Variants in PHLPP1 observed in about 807,000 individuals in gnomAD.
PHLPP1 encodes PH domain and leucine rich repeat protein phosphatase 1.
A neutral mutation model predicts 117.2 loss-of-function variants in PHLPP1; 42 were observed. The observed-to-expected ratio is 0.36, with a 90% CI of 0.28 to 0.46. The LOEUF is 0.46. PHLPP1 is among the 20% of genes least tolerant of loss of function. The pLI is 1.00. For synonymous variants in PHLPP1, 1,042 were observed against 970.7 expected, an observed-to-expected ratio of 1.07 and a Z score of -1.37; for missense variants, 2,084 against 2,241.9, an observed-to-expected ratio of 0.93 and a Z score of 1.42.
At chr18:62,824,932 C>CT (rs200225377) in intron 1 of PHLPP1, among the ~76,000 whole-genome samples, 19,202 of 140,308 alleles carry the variant, frequency 0.14, 1,711 homozygotes, top group East Asian at 0.3. Context: ...AATATATATA[C>CT]TTTTTTTTTT....
chr18:62,716,106 G>T lies in PHLPP1; in HGVS notation c.423G>T (p.Ser141=). Residue 141 remains serine (S), a synonymous_variant, in exon 1 of 17, where the codon TCG becomes TCT. Coordinates refer to ENST00000262719, the MANE Select transcript of PHLPP1 (RefSeq NM_194449.4). The surrounding 1 kb of genome is among the most constrained non-coding windows in gnomAD (Gnocchi z 5.7). ...SAAAAAASSS[S]SSSAAAASHS... ...CCGCCGCGGCCGCCTCCTCGTCGTC[G>T]TCGTCCTCGGCCGCTGCTGCCTCGC... The T allele has an allele frequency of 6.6e-7, 1 of 1,505,408 alleles. No homozygotes were observed. Among genetic ancestry groups the T allele is most frequent in the Admixed American group, 2.1e-5 (1 of 47,244 alleles). 93.3% of individuals were successfully genotyped at this position (1,505,408 alleles called of 1,614,324 possible). A position where few individuals can be genotyped will look rare whatever the true frequency, so the allele number is the denominator to read the frequency against.
intron 4 of PHLPP1, among the ~76,000 whole-genome samples, chr18:62,888,288 TGTGTG>T (rs1246196511): frequency 4.3e-4 from 2 of 4,670 alleles, no homozygotes; most frequent in Non-Finnish European, 6.8e-4. Context: ...TTTCACAAAA[TGTGTG>T]TGTGTGTGTG....
chr18:62,780,866 T>C (rs998790392), intron 1 of PHLPP1, among the ~76,000 whole-genome samples: 28 of 152,234 alleles, frequency 1.8e-4, no homozygotes, highest in African/African-American at 6.0e-4. Context: ...CCTCATGCTA[T>C]ATGATACCTC....
intron 1 of PHLPP1, among the ~76,000 whole-genome samples, chr18:62,806,382 T>C (rs1176710253): frequency 3.9e-5 from 6 of 152,232 alleles, no homozygotes; most frequent in Admixed American, 6.5e-5. Flanking sequence ...TTCTAGTGAT[T>C]TATGCTTGTT....
rs564466334 is a variant in PHLPP1 at position 62,732,092 on chromosome 18, G to A, written c.1576+14833G>A. ...TGCAGCAAGTTATCTGGAAGATCTC[G>A]CTAAGATCATTGATGAAGGCAGCTA... On this transcript the variant is annotated intron_variant, in intron 1 of 16. Coordinates refer to ENST00000262719, the MANE Select transcript of PHLPP1 (RefSeq NM_194449.4). 9.2e-5 allele frequency among the ~76,000 whole-genome samples: 14 copies of A among 152,316 alleles called. No homozygotes were observed. The South Asian group carries it at 2.9e-3, about 32-fold the overall frequency.
At chr18:62,838,575 T>TA (rs1301494116) in intron 2 of PHLPP1, 1 of 472,710 alleles carries the variant, frequency 2.1e-6, no homozygotes, top group South Asian at 4.0e-5. Flanking sequence ...GGTGGGGAAA[T>TA]ATAGTAAAGA....
At chr18:62,956,454 C>T (rs913806174) in intron 12 of PHLPP1, among the ~76,000 whole-genome samples, 1 of 152,154 alleles carries the variant, frequency 6.6e-6, no homozygotes, top group South Asian at 2.1e-4. Context: ...TAAGTTTCAG[C>T]ATATGATGAA....
intron 4 of PHLPP1, among the ~76,000 whole-genome samples, chr18:62,861,510 C>G (rs1359919721): frequency 6.6e-6 from 1 of 152,210 alleles, no homozygotes; most frequent in African/African-American, 2.4e-5. Flanking sequence ...GAGCAGTGAT[C>G]AGTCTTCATT....
intron 1 of PHLPP1, among the ~76,000 whole-genome samples, chr18:62,728,884 G>GT (rs893198235): frequency 2.0e-4 from 30 of 148,388 alleles, no homozygotes; most frequent in South Asian, 6.4e-4. Flanking sequence ...GGTGCCTTGA[G>GT]TTTTTTTTTT....
chr18:62,793,457 T>C (rs916030673), intron 1 of PHLPP1, among the ~76,000 whole-genome samples: 5 of 152,230 alleles, frequency 3.3e-5, no homozygotes, highest in Non-Finnish European at 7.3e-5. Context: ...GATCTACTTA[T>C]AGTTTAGCGC....
chr18:62,756,469 A>C (rs1271276646), intron 1 of PHLPP1, among the ~76,000 whole-genome samples: 1 of 152,244 alleles, frequency 6.6e-6, no homozygotes, highest in East Asian at 1.9e-4. Context: ...CACAACATTG[A>C]GAATCCAGAA....
chr18:62,751,881 C>G (rs988280416), intron 1 of PHLPP1, among the ~76,000 whole-genome samples: 2 of 152,118 alleles, frequency 1.3e-5, no homozygotes, highest in African/African-American at 4.8e-5. Context: ...TTAAGTGACT[C>G]AGTGGATTGA....
intron 3 of PHLPP1, among the ~76,000 whole-genome samples, chr18:62,841,152 T>C (rs1192421099): frequency 1.3e-5 from 2 of 152,118 alleles, no homozygotes; most frequent in African/African-American, 4.8e-5. Context: ...CCTTTCAAAG[T>C]GCTGGGACTA....
chr18:62,877,064 G>A (rs1218961427), intron 4 of PHLPP1, among the ~76,000 whole-genome samples: 3 of 152,134 alleles, frequency 2.0e-5, no homozygotes, highest in African/African-American at 7.2e-5. Context: ...AATTATGCAT[G>A]GCATTTATCA....
chr18:62,765,519 A>C (rs1329797739), intron 1 of PHLPP1, among the ~76,000 whole-genome samples: 1 of 152,224 alleles, frequency 6.6e-6, no homozygotes, highest in Non-Finnish European at 1.5e-5. Context: ...ATTTGCTCAT[A>C]TATCTTGAAG....
intron 9 of PHLPP1, among the ~76,000 whole-genome samples, chr18:62,915,627 AT>A (rs929554216): frequency 7.2e-5 from 11 of 152,206 alleles, no homozygotes; most frequent in African/African-American, 2.7e-4. Flanking sequence ...ACAGACAGAT[AT>A]TTTCAAGTTG....
intron 11 of PHLPP1, 31 bp from the exon 12 acceptor site, chr18:62,945,078 T>C: frequency 1.3e-6 from 2 of 1,492,568 alleles, no homozygotes; most frequent in Non-Finnish European, 1.8e-6. Flanking sequence ...TATTATTTTC[T>C]TTTAAATTGC....
chr18:62,928,495 A>G (rs1017889539), intron 10 of PHLPP1, among the ~76,000 whole-genome samples: 1 of 152,214 alleles, frequency 6.6e-6, no homozygotes, highest in Non-Finnish European at 1.5e-5. Context: ...GGGTGGCTAT[A>G]ATCAAAAACA....
intron 1 of PHLPP1, among the ~76,000 whole-genome samples, chr18:62,829,817 T>C (rs1363447152): frequency 6.6e-6 from 1 of 152,188 alleles, no homozygotes; most frequent in Admixed American, 6.5e-5. Context: ...TATGATTTTA[T>C]GGAAAAGGCT....
Sources: allele counts gnomAD v4.1 joint callset (sites outside exome capture counted in the v4.1 genomes callset), GRCh38; gene constraint gnomAD v4.1.1; non-coding constraint Gnocchi (gnomAD v3.1); transcripts MANE v1.5; gene names NCBI Gene and HGNC (gene_info 2026-07-23, HGNC 2026-07-21).